WWP2: variants seen among roughly 807,000 people sequenced by gnomAD.
The protein encoded by WWP2 is WW domain containing E3 ubiquitin protein ligase 2.
Under a neutral mutation model 121.0 loss-of-function variants are expected in WWP2, and 57 were observed. The observed-to-expected ratio is 0.47, with a 90% CI of 0.38 to 0.59. The LOEUF (loss-of-function observed/expected upper bound fraction) is 0.59. Among genes scored for constraint, WWP2 ranks in the 20% least tolerant of loss-of-function variants. The probability of loss-of-function intolerance (pLI) is 0.00; values close to 1 mark genes in which losing one functional copy is unlikely to be tolerated. For synonymous variants in WWP2, 449 were observed against 441.3 expected, an observed-to-expected ratio of 1.02 and a Z score of -0.22; for missense variants, 962 against 1,158.9, an observed-to-expected ratio of 0.83 and a Z score of 2.47.
chr16:69,904,789 C>T (rs2058261865), intron 8 of WWP2, among the ~76,000 whole-genome samples: 1 of 152,112 alleles, frequency 6.6e-6, no homozygotes, highest in Non-Finnish European at 1.5e-5. Context: ...GGGTCAAATC[C>T]CCAGGAGTCT....
At position 69,815,484 on chromosome 16, in the gene WWP2, T is replaced by TAA. The variant is rs34598258; in HGVS notation, c.340+16203_340+16204dup. 5.3e-4 allele frequency among the ~76,000 whole-genome samples: 74 copies of TAA among 138,980 alleles called. 1 individual carries two copies. Among genetic ancestry groups the TAA allele is most frequent in the African/African-American group, 1.9e-3 (72 of 37,836 alleles). The allele number at this position is 138,980 out of a possible 152,430, so 91.2% of individuals were successfully genotyped here. ...GTGACAGAGTGAGACCCTGTCTCTT[T>TAA]AAAAAAAAAAAAAAAGGAGAGGGGC... is the stretch of plus-strand genomic sequence containing the variant. On this transcript the variant is annotated intron_variant, in intron 4 of 23. Coordinates refer to ENST00000359154, the MANE Select transcript of WWP2 (RefSeq NM_001270454.2).
intron 4 of WWP2, among the ~76,000 whole-genome samples, chr16:69,833,418 G>C (rs1186652412): frequency 9.2e-5 from 14 of 152,038 alleles, no homozygotes; most frequent in Non-Finnish European, 1.6e-4. Flanking sequence ...TTTTTCTCTG[G>C]TGTGGTGATA....
At chr16:69,931,442 A>AT in intron 14 of WWP2, 67 bp from the exon 15 acceptor site, 1 of 1,590,598 alleles carries the variant, frequency 6.3e-7, no homozygotes, top group Non-Finnish European at 8.6e-7. Flanking sequence ...ATGCCTGTTC[A>AT]TACAGACAGG....
chr16:69,897,574 TA>T (rs2058124917), intron 8 of WWP2, among the ~76,000 whole-genome samples: 1 of 152,250 alleles, frequency 6.6e-6, no homozygotes, highest in African/African-American at 2.4e-5. Context: ...CATGAACAGA[TA>T]AAAATTTATC....
chr16:69,778,533 A>G (rs936740553), intron 1 of WWP2, among the ~76,000 whole-genome samples: 2 of 152,030 alleles, frequency 1.3e-5, no homozygotes, highest in Non-Finnish European at 2.9e-5. Context: ...CTTGTAGTGG[A>G]TAGTGGGGAT....
intron 6 of WWP2, among the ~76,000 whole-genome samples, chr16:69,859,383 T>C (rs930897310): frequency 2.6e-5 from 4 of 151,686 alleles, no homozygotes; most frequent in Non-Finnish European, 5.9e-5. Flanking sequence ...CCAAACCCCA[T>C]CTCAACAAAA....
chr16:69,909,331 G>C, intron 9 of WWP2: 6 of 986,546 alleles, frequency 6.1e-6, no homozygotes, highest in Non-Finnish European at 7.2e-6. Flanking sequence ...GATGTATTCT[G>C]CTCCAAGAAA....
At chr16:69,782,440 G>A (rs1017202876) in intron 1 of WWP2, among the ~76,000 whole-genome samples, 5 of 152,172 alleles carry the variant, frequency 3.3e-5, no homozygotes, top group Non-Finnish European at 7.3e-5. Context: ...GGCAGGACTG[G>A]TATCCCCAGA....
At chr16:69,801,021 A>G (rs1023502986) in intron 4 of WWP2, among the ~76,000 whole-genome samples, 1 of 148,226 alleles carries the variant, frequency 6.7e-6, no homozygotes. Context: ...CCCTGTTTCT[A>G]CTAAGAAAAA....
chr16:69,887,983 A>T, intron 7 of WWP2, 56 bp from the exon 8 acceptor site: 1 of 1,593,674 alleles, frequency 6.3e-7, no homozygotes, highest in Non-Finnish European at 8.6e-7. Flanking sequence ...CCTAGCAAGT[A>T]TAAATAAAAT....
chr16:69,894,051 T>A (rs2058070218), intron 8 of WWP2, among the ~76,000 whole-genome samples: 1 of 151,964 alleles, frequency 6.6e-6, no homozygotes, highest in Admixed American at 6.6e-5. Flanking sequence ...GGGGATCTCA[T>A]GGCTGTATTT....
At position 69,931,615 on chromosome 16, in the gene WWP2, G is replaced by A. The variant is rs200973575; in HGVS notation, c.1593+35G>A. On this transcript the variant is annotated intron_variant, in intron 15 of 23. Coordinates refer to ENST00000359154, the MANE Select transcript of WWP2 (RefSeq NM_001270454.2). The stretch of plus-strand genomic sequence containing the variant: ...TGGTGCCCGAAACCAGTGGCAGGCC[G>A]ACGCCCTCCTCCCAGCACCCCATCT... 2.6e-4 allele frequency: 416 copies of A among 1,612,988 alleles called. 1 individual carries two copies. The highest frequency in any genetic ancestry group is 1.7e-4 in the Non-Finnish European group (203 of 1,179,248).
chr16:69,931,698 G>A, intron 15 of WWP2, 104 bp from the exon 16 acceptor site: 2 of 1,567,948 alleles, frequency 1.3e-6, no homozygotes, highest in East Asian at 4.5e-5. Flanking sequence ...GAGTCTTGGT[G>A]ACTGTGTCTG....
At chr16:69,866,079 T>G (rs1006878628) in intron 6 of WWP2, among the ~76,000 whole-genome samples, 1 of 152,026 alleles carries the variant, frequency 6.6e-6, no homozygotes, top group African/African-American at 2.4e-5. Context: ...GGAATTAAGG[T>G]TTTTAAGGTT....
chr16:69,928,125 G>A (rs1043767449), intron 11 of WWP2, among the ~76,000 whole-genome samples: 21 of 152,202 alleles, frequency 1.4e-4, no homozygotes, highest in African/African-American at 4.8e-4. Flanking sequence ...ACTGCAGCTC[G>A]AGTCTTGGAG....
intron 4 of WWP2, among the ~76,000 whole-genome samples, chr16:69,816,992 C>G (rs2056505209): frequency 1.3e-5 from 2 of 152,210 alleles, no homozygotes; most frequent in South Asian, 4.1e-4. Flanking sequence ...GAGTCTCTGC[C>G]CATAACCTCT....
In WWP2 at chr16:69,931,555, C is replaced by A; in HGVS notation, c.1568C>A (p.Thr523Lys). The A allele has an allele frequency of 6.2e-7, 1 of 1,613,720 alleles. No homozygotes were observed. Among genetic ancestry groups the A allele is most frequent in the Non-Finnish European group, 8.5e-7 (1 of 1,179,974 alleles). Residue 523 changes from threonine (T) to lysine (K), a missense_variant, in exon 15 of 24, where the codon ACG becomes AAG. Thr to Lys is a moderately conservative substitution (Grantham distance 78). Around this residue, in one of 3 missense-constraint regions of WWP2, gnomAD observed 606 missense variants for 772.6 expected, o/e 0.78. Coordinates refer to ENST00000359154, the MANE Select transcript of WWP2 (RefSeq NM_001270454.2). ...GTGAAGATCAGCGTTTCCAGGCAGA[C>A]GCTTTTCGAAGATTCCTTCCAACAG... The part of the protein sequence containing the change: ...SHVKISVSRQ[T>K]LFEDSFQQIM...
chr16:69,817,257 G>C (rs994979630), intron 4 of WWP2, among the ~76,000 whole-genome samples: 11 of 152,118 alleles, frequency 7.2e-5, no homozygotes, highest in African/African-American at 2.6e-4. Flanking sequence ...GCTTTGTTTT[G>C]TTTTGTTTTT....
intron 6 of WWP2, among the ~76,000 whole-genome samples, chr16:69,848,437 C>T (rs1236269365): frequency 1.7e-4 from 25 of 148,550 alleles, no homozygotes; most frequent in Admixed American, 1.7e-3. Context: ...TCAACAAGAG[C>T]AAAGCTCCAT....
Sources: allele counts gnomAD v4.1 joint callset (sites outside exome capture counted in the v4.1 genomes callset), GRCh38; gene constraint gnomAD v4.1.1; regional missense constraint gnomAD v4.1.1; transcripts MANE v1.5; gene names NCBI Gene and HGNC (gene_info 2026-07-23, HGNC 2026-07-21).